MMRN1: variants seen among roughly 807,000 people sequenced by gnomAD.
MMRN1 encodes multimerin 1, also known as multimerin-1.
In MMRN1, 94 loss-of-function variants were observed where a neutral mutation model predicts 100.7. The observed-to-expected ratio is 0.93, with a 90% CI of 0.79 to 1.11. The LOEUF is 1.11. Ranked by LOEUF, MMRN1 falls within the 50% of genes least tolerant of loss-of-function variation. The pLI is 0.00. For missense variants in MMRN1, 1,606 were observed against 1,439.1 expected (o/e 1.12, Z -1.88); for synonymous variants, 575 against 505.0 (o/e 1.14, Z -1.86).
chr4:89,886,807 G>T (rs1720946675), intron 1 of MMRN1, among the ~76,000 whole-genome samples: 1 of 151,984 alleles, frequency 6.6e-6, no homozygotes, highest in African/African-American at 2.4e-5. Flanking sequence ...TCAAATCAAG[G>T]TAATTAGGAT....
rs768209084 is a variant in MMRN1, at chr4:89,951,627, G to A, written c.3141G>A (p.Arg1047=). 1.2e-5 allele frequency: 19 copies of A among 1,531,508 alleles called. No homozygotes were observed. The Admixed American group carries it at 3.1e-4, about 25-fold the overall frequency. The allele number at this position is 1,531,508 out of a possible 1,614,324, so 94.9% of individuals were successfully genotyped here. The part of the protein sequence containing the change: ...IYPEEYSSCS[R]HPCQNGGTCI... ...CAGAGGAGTATTCAAGCTGTAGTCGGCATCCGTGCCAAAATGGGGGCACGT... is the reference window on the plus strand; with the variant it reads ...CAGAGGAGTATTCAAGCTGTAGTCGACATCCGTGCCAAAATGGGGGCACGT... Residue 1047 remains arginine, a synonymous_variant, in exon 7 of 8, where the codon CGG becomes CGA. Coordinates refer to ENST00000264790, the MANE Select transcript of MMRN1 (RefSeq NM_007351.3).
rs952755072 is a variant in MMRN1 at position 89,924,708 on chromosome 4, G to T, written c.955+1436G>T. Among the ~76,000 whole-genome samples, 8 of 152,100 alleles carry T rather than the reference G, an allele frequency of 5.3e-5. No individual in the cohort carries two copies. In the South Asian group the frequency reaches 1.7e-3, roughly 32 times the overall value. On this transcript the variant is annotated intron_variant, in intron 4 of 7. Coordinates refer to ENST00000264790, the MANE Select transcript of MMRN1 (RefSeq NM_007351.3). ...AATAAAAAAAAATTAGTCTAACGTG[G>T]TGGTGTGTGCCTGTAATCCTAGCTA...
intron 1 of MMRN1, among the ~76,000 whole-genome samples, chr4:89,904,416 T>A (rs1156659461): frequency 1.3e-5 from 2 of 151,736 alleles, no homozygotes; most frequent in Non-Finnish European, 1.5e-5. Context: ...ACTGAAGCTC[T>A]GTACCCATTA....
chr4:89,953,235 C>T lies in MMRN1; in HGVS notation c.3504C>T (p.Asp1168=), dbSNP rs1723240793. ...GATTTTTAGTGGTTGATGGAATAGA[C>T]AAGCTTGCATTTGAGTCTGAAAATA... ...ISGFLVVDGI[D]KLAFESENIN... The change falls in exon 8 of 8, where the codon GAC becomes GAT. Residue 1168 remains aspartate, a synonymous_variant. Transcript: ENST00000264790. 1.2e-6 allele frequency: 2 copies of T among 1,613,834 alleles called. No individual in the cohort carries two copies. Among genetic ancestry groups the T allele is most frequent in the Non-Finnish European group, 1.7e-6 (2 of 1,179,850 alleles).
intron 1 of MMRN1, among the ~76,000 whole-genome samples, chr4:89,907,702 A>T (rs558173813): frequency 1.3e-5 from 2 of 151,480 alleles, no homozygotes; most frequent in Admixed American, 1.3e-4. Flanking sequence ...AAAGTGTCCA[A>T]ATTTCTGTTA....
intron 3 of MMRN1, among the ~76,000 whole-genome samples, chr4:89,919,203 T>A (rs969624004): frequency 6.6e-6 from 1 of 151,440 alleles, no homozygotes; most frequent in Non-Finnish European, 1.5e-5. Context: ...AATTTAAAAT[T>A]CTGATTTTTT....
At chr4:89,910,126 G>A (rs1372156191) in intron 2 of MMRN1, among the ~76,000 whole-genome samples, 1 of 151,316 alleles carries the variant, frequency 6.6e-6, no homozygotes, top group Admixed American at 6.6e-5. Flanking sequence ...TGGCAATCTG[G>A]AACAGTGCAC....
intron 1 of MMRN1, among the ~76,000 whole-genome samples, chr4:89,906,770 C>T (rs1350092721): frequency 6.6e-6 from 1 of 151,446 alleles, no homozygotes; most frequent in Non-Finnish European, 1.5e-5. Context: ...ACCAGGGGCT[C>T]TTTTGCTGTG....
chr4:89,939,342 T>G (rs1196269505), intron 6 of MMRN1, among the ~76,000 whole-genome samples: 1 of 152,076 alleles, frequency 6.6e-6, no homozygotes, highest in Non-Finnish European at 1.5e-5. Flanking sequence ...ATAAGTACAG[T>G]ATATAGAAAA....
chr4:89,950,424 A>G (rs535887976), intron 6 of MMRN1, among the ~76,000 whole-genome samples: 88 of 152,306 alleles, frequency 5.8e-4, no homozygotes, highest in African/African-American at 2.0e-3. Context: ...ACATTGTCCT[A>G]TTAACAGCTA....
In MMRN1 at chr4:89,923,181, A is replaced by G. The variant is rs757686466; in HGVS notation, c.864A>G (p.Gln288=). Reference sequence around the variant, plus strand: ...GCTTCCTTCTAGCCCAGGAACAGCAAAGTTTGATACACACCAACCAGGCTG... The same window carrying G: ...GCTTCCTTCTAGCCCAGGAACAGCAGAGTTTGATACACACCAACCAGGCTG... ...PKCQLRAQEQ[Q]SLIHTNQAES... The change falls in exon 4 of 8, where the codon CAA becomes CAG. Residue 288 remains glutamine, a synonymous_variant. Coordinates refer to ENST00000264790, the MANE Select transcript of MMRN1 (RefSeq NM_007351.3). 1 of 1,613,900 alleles carries G rather than the reference A, an allele frequency of 6.2e-7. No homozygotes were observed. Among genetic ancestry groups the G allele is most frequent in the South Asian group, 1.1e-5 (1 of 91,054 alleles).
chr4:89,894,075 T>C (rs1721115826), upstream of MMRN1, among the ~76,000 whole-genome samples: 1 of 152,148 alleles, frequency 6.6e-6, no homozygotes, highest in Non-Finnish European at 1.5e-5. Context: ...TATTTTTATG[T>C]GACTCCATTT....
intron 6 of MMRN1, among the ~76,000 whole-genome samples, chr4:89,937,539 A>T (rs1722685159): frequency 6.6e-6 from 1 of 152,132 alleles, no homozygotes; most frequent in Non-Finnish European, 1.5e-5. Flanking sequence ...GGAACATCAA[A>T]TCTTGATTCT....
chr4:89,909,230 CT>C (rs756737557), intron 1 of MMRN1, 45 bp from the exon 2 acceptor site: 1 of 1,544,690 alleles, frequency 6.5e-7, no homozygotes, highest in Non-Finnish European at 8.8e-7. Context: ...GAAAAGAATT[CT>C]TTTTTGACAA....
At chr4:89,901,836 CT>C (rs1721398453) in intron 1 of MMRN1, 1 of 151,778 alleles carries the variant, frequency 6.6e-6, no homozygotes, top group Non-Finnish European at 1.5e-5. Context: ...TTATATATTC[CT>C]AATAATTAAG....
chr4:89,915,259 A>T (rs560594330), intron 3 of MMRN1, among the ~76,000 whole-genome samples: 1 of 151,708 alleles, frequency 6.6e-6, no homozygotes, highest in East Asian at 1.9e-4. Flanking sequence ...GAGAAAGAAC[A>T]TTACCTCCTC....
intron 5 of MMRN1, 86 bp from the exon 6 acceptor site, chr4:89,934,724 G>C: frequency 1.4e-6 from 1 of 721,290 alleles, no homozygotes; most frequent in South Asian, 3.8e-5. Flanking sequence ...TGTTATTAAT[G>C]TTTAATTTCA....
chr4:89,935,697 G>GGGT lies in MMRN1; in HGVS notation c.2017_2018insGGT (p.Val673delinsGlyLeu), dbSNP rs1560594779. ...ATATGAACAACCAAAGGAAGCAATA[G>GGGT]TGATAAGGAAAAAGATAGAAAATCT... On this transcript the variant is annotated protein_altering_variant, in exon 6 of 8. Coordinates refer to ENST00000264790, the MANE Select transcript of MMRN1 (RefSeq NM_007351.3). 1.2e-6 allele frequency: 2 copies of GGGT among 1,612,492 alleles called. No homozygotes were observed. Among genetic ancestry groups the GGGT allele is most frequent in the Non-Finnish European group, 8.5e-7 (1 of 1,179,568 alleles).
At position 89,953,069 on chromosome 4, in the gene MMRN1, T is replaced by C. The variant is rs1723232290; in HGVS notation, c.3338T>C (p.Ile1113Thr). 2 of 1,613,746 alleles carry C rather than the reference T, an allele frequency of 1.2e-6. No homozygotes were observed. Among genetic ancestry groups the C allele is most frequent in the African/African-American group, 1.3e-5 (1 of 74,922 alleles). Residue 1113 changes from isoleucine to threonine, a missense_variant, in exon 8 of 8, where the codon ATA (isoleucine) becomes ACA (threonine). Coordinates refer to ENST00000264790, the MANE Select transcript of MMRN1 (RefSeq NM_007351.3). ...GCATCTCATACGTATGGAATGACTA[T>C]ACCTGGTCCTATCCTGTTTAATAAC... ...FFASHTYGMT[I>T]PGPILFNNLD...
Sources: allele counts gnomAD v4.1 joint callset (sites outside exome capture counted in the v4.1 genomes callset), GRCh38; gene constraint gnomAD v4.1.1; transcripts MANE v1.5; gene names NCBI Gene and HGNC (gene_info 2026-07-23, HGNC 2026-07-21).